Variants in DPP10 observed in about 807,000 individuals in gnomAD.
DPP10 encodes inactive dipeptidyl peptidase 10.
DPP10 carries 33 observed loss-of-function variants against 120.9 expected under a neutral mutation model. That is an observed-to-expected ratio of 0.27 (90% confidence interval 0.21 to 0.37). The LOEUF (loss-of-function observed/expected upper bound fraction) is 0.37, where lower values mean the gene tolerates loss of function less well. Among genes scored for constraint, DPP10 ranks in the 10% least tolerant of loss-of-function variants. The probability of loss-of-function intolerance (pLI) is 1.00; values close to 1 mark genes in which losing one functional copy is unlikely to be tolerated. For missense variants in DPP10, 816 were observed against 942.8 expected, an observed-to-expected ratio of 0.87 and a Z score of 1.76; for synonymous variants, 337 against 326.1, an observed-to-expected ratio of 1.03 and a Z score of -0.36.
chr2:115,081,383 T>C (rs1708261778), intron 1 of DPP10, among the ~76,000 whole-genome samples: 1 of 152,302 alleles, frequency 6.6e-6, no homozygotes, highest in South Asian at 2.1e-4. Context: ...AAGTCTGTCT[T>C]TAGCTGTCTT....
intron 21 of DPP10, among the ~76,000 whole-genome samples, chr2:115,829,915 T>G (rs1489820670): frequency 6.6e-6 from 1 of 152,172 alleles, no homozygotes. Context: ...TTGAAGACAT[T>G]AAGCAACTTT....
At chr2:114,686,584 G>A (rs941027573) in intron 1 of DPP10, among the ~76,000 whole-genome samples, 1 of 151,748 alleles carries the variant, frequency 6.6e-6, no homozygotes, top group African/African-American at 2.4e-5. Context: ...TACCTAGTTA[G>A]CCCCATCAGA....
Position 114,751,113 on chromosome 2 carries a change from C to T in DPP10, c.60+308275C>T, listed in dbSNP as rs866805784. Among the ~76,000 whole-genome samples, 5 of 152,218 alleles carry T rather than the reference C, an allele frequency of 3.3e-5. No homozygotes were observed. In the East Asian group the frequency reaches 7.7e-4, roughly 23 times the overall value. On this transcript the variant is annotated intron_variant, in intron 1 of 25. Transcript: ENST00000410059. ...ATAGGGACAAGTCGTTTTGCATGTG[C>T]GCAGAATGTGGAAATGGCAAAGAGG...
At chr2:115,061,780 G>A (rs962263562) in intron 1 of DPP10, among the ~76,000 whole-genome samples, 1 of 152,138 alleles carries the variant, frequency 6.6e-6, no homozygotes, top group African/African-American at 2.4e-5. Context: ...GTATGCAGTA[G>A]GCACAGCAAG....
At chr2:115,563,194 G>C (rs1312842381) in intron 5 of DPP10, among the ~76,000 whole-genome samples, 1 of 152,154 alleles carries the variant, frequency 6.6e-6, no homozygotes, top group Non-Finnish European at 1.5e-5. Flanking sequence ...GGGAGCATTT[G>C]CTGTGCATCA....
At chr2:114,897,114 G>C (rs895259211) in intron 1 of DPP10, among the ~76,000 whole-genome samples, 7 of 151,858 alleles carry the variant, frequency 4.6e-5, no homozygotes. Context: ...TAAGCTTTTT[G>C]ATGTGCTGCT....
intron 1 of DPP10, among the ~76,000 whole-genome samples, chr2:114,982,159 T>C (rs1396962631): frequency 6.6e-6 from 1 of 151,816 alleles, no homozygotes; most frequent in East Asian, 1.9e-4. Flanking sequence ...TGTAAAAAAA[T>C]AAAAAATAAA....
chr2:114,930,796 G>A (rs547554479), intron 1 of DPP10, among the ~76,000 whole-genome samples: 9 of 152,136 alleles, frequency 5.9e-5, no homozygotes, highest in Admixed American at 2.0e-4. Flanking sequence ...TGTTGTTTGC[G>A]GAGATCACAT....
chr2:114,864,405 C>T (rs1690060891), intron 1 of DPP10, among the ~76,000 whole-genome samples: 1 of 152,112 alleles, frequency 6.6e-6, no homozygotes. Context: ...ATTAACAGCT[C>T]ACAGTGCAGG....
intron 8 of DPP10, among the ~76,000 whole-genome samples, chr2:115,733,154 T>G (rs2092951265): frequency 6.6e-6 from 1 of 152,188 alleles, no homozygotes. Flanking sequence ...AATATTCTTA[T>G]CAGCAGATTC....
At chr2:115,312,902 C>T (rs1279226442) in intron 2 of DPP10, among the ~76,000 whole-genome samples, 3 of 152,104 alleles carry the variant, frequency 2.0e-5, no homozygotes, top group Non-Finnish European at 4.4e-5. Flanking sequence ...TAGGACAAGG[C>T]CTGCCTCTAG....
intron 1 of DPP10, among the ~76,000 whole-genome samples, chr2:115,286,491 A>AAT (rs60213155): frequency 2.3e-5 from 2 of 85,478 alleles, no homozygotes; most frequent in Non-Finnish European, 4.5e-5. Context: ...ATATATATAT[A>AAT]ATATATATAT....
chr2:115,515,344 C>G (rs1319296288), intron 4 of DPP10, among the ~76,000 whole-genome samples: 2 of 151,884 alleles, frequency 1.3e-5, no homozygotes. Flanking sequence ...CTCTGTTAGT[C>G]CACTCTTCCT....
intron 1 of DPP10, among the ~76,000 whole-genome samples, chr2:114,463,866 C>T (rs545703529): frequency 2.0e-5 from 3 of 152,282 alleles, no homozygotes; most frequent in South Asian, 2.1e-4. Context: ...CTGCCTTTTC[C>T]AGAATGTCGT....
chr2:115,124,611 G>A (rs1464168607), intron 1 of DPP10, among the ~76,000 whole-genome samples: 1 of 152,146 alleles, frequency 6.6e-6, no homozygotes, highest in Non-Finnish European at 1.5e-5. Context: ...GACCACTCAA[G>A]ACAAGATCAA....
At chr2:115,144,721 C>T (rs918469915) in intron 1 of DPP10, 7 of 149,730 alleles carry the variant, frequency 4.7e-5, no homozygotes, top group East Asian at 2.0e-4. Flanking sequence ...TGCTAAATGA[C>T]GAGTTAATGG....
chr2:114,509,175 T>C (rs1045178715), intron 1 of DPP10, among the ~76,000 whole-genome samples: 7 of 152,186 alleles, frequency 4.6e-5, no homozygotes, highest in African/African-American at 1.7e-4. Context: ...AACTCTGTGG[T>C]TTTGCCAGAT....
intron 3 of DPP10, among the ~76,000 whole-genome samples, chr2:115,416,911 C>T (rs558705687): frequency 6.6e-6 from 1 of 152,250 alleles, no homozygotes; most frequent in African/African-American, 2.4e-5. Flanking sequence ...GAAGACCGCT[C>T]AAGTCAAGGG....
chr2:114,953,412 C>T (rs1697942075), intron 1 of DPP10, among the ~76,000 whole-genome samples: 1 of 152,056 alleles, frequency 6.6e-6, no homozygotes, highest in African/African-American at 2.4e-5. Flanking sequence ...ACTTCTGCTT[C>T]AAATCTGACT....
Sources: allele counts gnomAD v4.1 joint callset (sites outside exome capture counted in the v4.1 genomes callset), GRCh38; gene constraint gnomAD v4.1.1; transcripts MANE v1.5; gene names NCBI Gene and HGNC (gene_info 2026-07-23, HGNC 2026-07-21).